NLGN1: variants seen among roughly 807,000 people sequenced by gnomAD.
NLGN1 encodes the protein neuroligin-1.
In NLGN1, 12 loss-of-function variants were observed where a neutral mutation model predicts 65.5. That is an observed-to-expected ratio of 0.18 (90% CI 0.12 to 0.30). NLGN1 has a LOEUF of 0.30. NLGN1 is among the 10% of genes least tolerant of loss of function. The probability of loss-of-function intolerance (pLI) is 1.00; values close to 1 mark genes in which losing one functional copy is unlikely to be tolerated. For synonymous variants in NLGN1, 350 were observed against 359.5 expected (o/e 0.97, Z 0.30); for missense variants, 750 against 1,007.1 (o/e 0.74, Z 3.46).
At chr3:173,467,643 A>G (rs1044513862) in intron 2 of NLGN1, among the ~76,000 whole-genome samples, 1 of 152,134 alleles carries the variant, frequency 6.6e-6, no homozygotes, top group Admixed American at 6.6e-5. Context: ...AGTCATCATC[A>G]TGTTTATAAG....
chr3:173,821,464 T>G (rs1720280339), intron 4 of NLGN1, among the ~76,000 whole-genome samples: 1 of 152,148 alleles, frequency 6.6e-6, no homozygotes, highest in Non-Finnish European at 1.5e-5. Context: ...TGTATGAAAA[T>G]AAGCTTTAAG....
At chr3:174,245,121 C>A (rs1743559926) in intron 4 of NLGN1, among the ~76,000 whole-genome samples, 2 of 152,018 alleles carry the variant, frequency 1.3e-5, no homozygotes, top group Admixed American at 1.3e-4. Context: ...TAATCTGTAC[C>A]CATTGTATGC....
At chr3:173,638,191 AT>A (rs879275103) in intron 3 of NLGN1, among the ~76,000 whole-genome samples, 195 of 144,622 alleles carry the variant, frequency 1.3e-3, no homozygotes, top group African/African-American at 2.1e-3. Context: ...CATTTGTTAG[AT>A]TTTTTTTTTT....
intron 2 of NLGN1, among the ~76,000 whole-genome samples, chr3:173,520,025 A>C (rs986847320): frequency 6.6e-6 from 1 of 152,160 alleles, no homozygotes; most frequent in East Asian, 1.9e-4. Context: ...TTCTCGTGAT[A>C]CTGAGTTCTT....
intron 2 of NLGN1, among the ~76,000 whole-genome samples, chr3:173,478,934 G>A (rs552324317): frequency 5.9e-4 from 90 of 151,866 alleles, no homozygotes; most frequent in Middle Eastern, 3.2e-3. Context: ...AAAATTGGAT[G>A]TGGAAAATAG....
chr3:173,858,800 G>A (rs966678440), intron 4 of NLGN1, among the ~76,000 whole-genome samples: 1 of 151,948 alleles, frequency 6.6e-6, no homozygotes, highest in African/African-American at 2.4e-5. Context: ...TATATAAGTA[G>A]CACCGGATTT....
intron 3 of NLGN1, among the ~76,000 whole-genome samples, chr3:173,684,768 G>C (rs530055175): frequency 6.6e-6 from 1 of 152,090 alleles, no homozygotes; most frequent in African/African-American, 2.4e-5. Context: ...CTTGAAAGTT[G>C]TACTTTAGTT....
chr3:174,182,752 A>G (rs1025527704), intron 4 of NLGN1, among the ~76,000 whole-genome samples: 1 of 152,186 alleles, frequency 6.6e-6, no homozygotes, highest in Non-Finnish European at 1.5e-5. Context: ...AAGAATGGAC[A>G]CTGAGAAAAT....
intron 3 of NLGN1, among the ~76,000 whole-genome samples, chr3:173,796,905 C>T (rs1400202445): frequency 6.6e-6 from 1 of 152,100 alleles, no homozygotes; most frequent in Non-Finnish European, 1.5e-5. Context: ...GTCTACTTTT[C>T]ATAAAAAATT....
At chr3:174,105,667 T>A (rs1713566712) in intron 4 of NLGN1, among the ~76,000 whole-genome samples, 1 of 132,686 alleles carries the variant, frequency 7.5e-6, no homozygotes, top group African/African-American at 2.9e-5. Flanking sequence ...TTTCCTTCCT[T>A]GGAGACATAA....
intron 4 of NLGN1, among the ~76,000 whole-genome samples, chr3:174,169,173 G>A (rs73035624): frequency 1.3e-3 from 200 of 151,980 alleles, no homozygotes; most frequent in African/African-American, 4.7e-3. Flanking sequence ...AATGCCGAGA[G>A]ATATTGCTGA....
chr3:174,075,311 C>A lies in NLGN1; in HGVS notation c.647-200004C>A, dbSNP rs1434421799. On this transcript the variant is annotated intron_variant, in intron 4 of 6. Transcript: ENST00000457714. The stretch of plus-strand genomic sequence containing the variant: ...TCAATAATTCTTTATTTTAAGAAAG[C>A]ATACTGTCAAGATAAGTTATTACAT... 2.6e-5 allele frequency among the ~76,000 whole-genome samples: 4 copies of A among 152,018 alleles called. No individual in the cohort carries two copies. The East Asian group carries it at 7.7e-4, about 29-fold the overall frequency.
chr3:173,523,934 T>TC (rs1735193729), intron 2 of NLGN1, among the ~76,000 whole-genome samples: 1 of 148,904 alleles, frequency 6.7e-6, no homozygotes, highest in African/African-American at 2.5e-5. Context: ...TTTTTTTTTT[T>TC]TTTTGAGACA....
chr3:173,877,812 A>G (rs1046379052), intron 4 of NLGN1, among the ~76,000 whole-genome samples: 1 of 152,226 alleles, frequency 6.6e-6, no homozygotes, highest in East Asian at 1.9e-4. Context: ...TGCTTTACAT[A>G]TATTGACTTA....
chr3:173,434,437 T>C (rs1717734495), intron 1 of NLGN1, among the ~76,000 whole-genome samples: 1 of 152,188 alleles, frequency 6.6e-6, no homozygotes, highest in Admixed American at 6.5e-5. Flanking sequence ...TAAGAAACAC[T>C]GATTTAGAGT....
At chr3:173,481,439 T>A (rs1278943974) in intron 2 of NLGN1, among the ~76,000 whole-genome samples, 1 of 152,028 alleles carries the variant, frequency 6.6e-6, no homozygotes, top group Non-Finnish European at 1.5e-5. Flanking sequence ...GTTAATTGAT[T>A]TTACAAAATT....
At chr3:173,704,509 A>C (rs149264938) in intron 3 of NLGN1, among the ~76,000 whole-genome samples, 1 of 152,190 alleles carries the variant, frequency 6.6e-6, no homozygotes, top group Non-Finnish European at 1.5e-5. Context: ...AAAGAGTTCA[A>C]TTGGTATGAT....
chr3:173,663,263 C>T (rs1328903524), intron 3 of NLGN1, among the ~76,000 whole-genome samples: 1 of 151,762 alleles, frequency 6.6e-6, no homozygotes, highest in Non-Finnish European at 1.5e-5. Flanking sequence ...ACATTAAGTG[C>T]TTATAAGGAA....
intron 2 of NLGN1, among the ~76,000 whole-genome samples, chr3:173,600,914 C>CTCCTTTT (rs1384121676): frequency 6.6e-6 from 1 of 151,972 alleles, no homozygotes; most frequent in East Asian, 1.9e-4. Flanking sequence ...GTTCTCCCTA[C>CTCCTTTT]TCCTTTTTCT....
Sources: gnomAD v4.1 joint callset for allele counts (sites outside exome capture counted in the v4.1 genomes callset) on GRCh38, gnomAD v4.1.1 for gene constraint, MANE v1.5 for transcripts, NCBI Gene and HGNC (gene_info 2026-07-23, HGNC 2026-07-21) for gene names.